The following ELP5 variants were observed in gnomAD, a reference collection of about 807,000 sequenced individuals.
The protein encoded by ELP5 is elongator complex protein 5.
In ELP5, 34 loss-of-function variants were observed where a neutral mutation model predicts 33.4. The ratio of observed to expected loss-of-function variants is 1.02; its 90% CI spans 0.78 to 1.36. The LOEUF is 1.36. Ranked by LOEUF, ELP5 falls within the 40% of genes most tolerant of loss-of-function variation. The pLI is 0.00. For synonymous variants in ELP5, 161 were observed against 146.4 expected, an observed-to-expected ratio of 1.10 and a Z score of -0.72; for missense variants, 373 against 371.7, an observed-to-expected ratio of 1.00 and a Z score of -0.03.
Position 7,256,988 on chromosome 17 carries a change from G to A in ELP5, c.541G>A (p.Ala181Thr), listed in dbSNP as rs761668861. The stretch of plus-strand genomic sequence containing the variant: ...GACCCTGGGCGGTACCATGGGCCAG[G>A]CCTCGGCCCACATCCTGTGTCGGAG... Reference protein sequence around the residue: ...EVTLGGTMGQASAHILCRRPR... With the variant: ...EVTLGGTMGQTSAHILCRRPR... The change falls in exon 5 of 8, where the codon GCC becomes ACC. Residue 181 changes from alanine to threonine, a missense_variant. Transcript: ENST00000396628. 7 of 1,610,966 alleles carry A rather than the reference G, an allele frequency of 4.3e-6. No homozygotes were observed. The East Asian group carries it at 6.7e-5, about 15-fold the overall frequency.
At chr17:7,258,509 G>A (rs1018610262) in intron 5 of ELP5, 79 bp from the exon 6 acceptor site, 4 of 1,378,752 alleles carry the variant, frequency 2.9e-6, no homozygotes, top group Non-Finnish European at 4.0e-6. Flanking sequence ...AGGTGATTGG[G>A]GGCTGAGGAT....
chr17:7,252,775 G>T lies in ELP5; in HGVS notation c.52G>T (p.Val18Leu). ...LGGLVLLRDS[V>L]EWEGRSLLKA... ...ATCCGTCCCTCGCTCTGCAGATTCCGTGGAGTGGGAGGGGCGCAGTCTCTT... is the reference window on the plus strand; with the variant it reads ...ATCCGTCCCTCGCTCTGCAGATTCCTTGGAGTGGGAGGGGCGCAGTCTCTT... The change falls in exon 2 of 8, where the codon GTG becomes TTG. Residue 18 changes from valine to leucine, a missense_variant. Physicochemically the swap from Val to Leu is conservative, Grantham distance 32. Transcript: ENST00000396628. 6.2e-7 allele frequency: 1 copy of T among 1,614,236 alleles called. No homozygotes were observed. The highest frequency in any genetic ancestry group is 1.7e-5 in the Admixed American group (1 of 60,034).
chr17:7,253,315 G>C (rs1039806286), intron 3 of ELP5, among the ~76,000 whole-genome samples: 3 of 152,190 alleles, frequency 2.0e-5, no homozygotes, highest in African/African-American at 7.2e-5. Context: ...CTATCAACCA[G>C]GTGCTGTGCA....
At chr17:7,258,481 G>T in intron 5 of ELP5, 107 bp from the exon 6 acceptor site, 11 of 1,039,084 alleles carry the variant, frequency 1.1e-5, no homozygotes, top group Non-Finnish European at 1.4e-5. Context: ...GGCAGGAGCT[G>T]AAAGCAGTCA....
chr17:7,254,988 T>C lies in ELP5; in HGVS notation c.409+185T>C. 1.9e-5 allele frequency: 11 copies of C among 583,312 alleles called. No homozygotes were observed. The South Asian group carries it at 2.0e-4, about 10-fold the overall frequency. 36.1% of individuals were successfully genotyped at this position (583,312 alleles called of 1,614,324 possible). The stretch of plus-strand genomic sequence containing the variant: ...TTAATGCCATCTACCATTTGCTTTT[T>C]TTTCTCCAAGTTATTTTTTTACTCA... On this transcript the variant is annotated intron_variant, in intron 4 of 7. Coordinates refer to ENST00000396628, the MANE Select transcript of ELP5 (RefSeq NM_203414.3).
rs1888913919 is a variant in ELP5, at chr17:7,254,650, G to T, written c.256G>T (p.Gly86Trp). Residue 86 changes from glycine to tryptophan, a missense_variant, in exon 4 of 8, where the codon GGG becomes TGG. By Grantham distance (184) the Gly-to-Trp change is radical. Coordinates refer to ENST00000396628, the MANE Select transcript of ELP5 (RefSeq NM_203414.3). The stretch of plus-strand genomic sequence containing the variant: ...AAAAACTGAGGAGGCCTTTCCTGGG[G>T]GGCCGCTGGGAGCCTTGAGAGCCAT... ...WSKTEEAFPG[G>W]PLGALRAMCK... is the part of the protein sequence containing the mutation. 6.2e-7 allele frequency: 1 copy of T among 1,614,024 alleles called. No homozygotes were observed. The highest frequency in any genetic ancestry group is 8.5e-7 in the Non-Finnish European group (1 of 1,180,006).
intron 7 of ELP5, chr17:7,259,334 C>G: frequency 7.1e-7 from 1 of 1,400,206 alleles, no homozygotes; most frequent in Non-Finnish European, 9.3e-7. Context: ...CTACAAGATC[C>G]TTGCCCTCAA....
At chr17:7,259,359 AC>A (rs2072158585) in intron 7 of ELP5, 4 of 1,384,556 alleles carry the variant, frequency 2.9e-6, no homozygotes, top group South Asian at 3.3e-5. Context: ...CTAGGAACTT[AC>A]GGTTTTATTA....
Position 7,254,805 on chromosome 17 carries a change from T to C in ELP5, c.409+2T>C. 2 of 1,613,270 alleles carry C rather than the reference T, an allele frequency of 1.2e-6. No homozygotes were observed. Among genetic ancestry groups the C allele is most frequent in the Non-Finnish European group, 1.7e-6 (2 of 1,179,148 alleles). On this transcript the variant is annotated splice_donor_variant, in intron 4 of 7. Transcript: ENST00000396628. LOFTEE classifies it high-confidence loss of function. Reference sequence around the variant, plus strand: ...TGAGCCATCAGGACTCTTGTCCTGGTGAGACCCCTCCTTCATTGTTTCCCC... The same window carrying C: ...TGAGCCATCAGGACTCTTGTCCTGGCGAGACCCCTCCTTCATTGTTTCCCC...
chr17:7,255,463 G>T (rs1447451365), intron 4 of ELP5, among the ~76,000 whole-genome samples: 1 of 151,896 alleles, frequency 6.6e-6, no homozygotes, highest in Non-Finnish European at 1.5e-5. Flanking sequence ...GGGAGGTGGA[G>T]CTTGCAGTGA....
Position 7,252,246 on chromosome 17 carries a change from G to A in ELP5, c.-305G>A. On this transcript the variant is annotated 5_prime_UTR_variant, in exon 1 of 8. Coordinates refer to ENST00000396628, the MANE Select transcript of ELP5 (RefSeq NM_203414.3). ...CCCGCGCTTAGGGCCCTCGCGGGGG[G>A]CTTGTGGGTCCTCCTCCCCCTCCCA... 2 of 484,984 alleles carry A rather than the reference G, an allele frequency of 4.1e-6. No homozygotes were observed. Among genetic ancestry groups the A allele is most frequent in the Non-Finnish European group, 3.8e-6 (1 of 265,300 alleles). The allele number at this position is 484,984 out of a possible 1,614,324, so 30.0% of individuals were successfully genotyped here.
At position 7,252,216 on chromosome 17, in the gene ELP5, C is replaced by A. The variant is rs1308302291; in HGVS notation, c.-335C>A. The A allele has an allele frequency of 2.3e-6, 1 of 431,258 alleles. No individual in the cohort carries two copies. Among genetic ancestry groups the A allele is most frequent in the East Asian group, 5.1e-5 (1 of 19,694 alleles). 26.7% of individuals were successfully genotyped at this position (431,258 alleles called of 1,614,324 possible). A position where few individuals can be genotyped will look rare whatever the true frequency, so the allele number is the denominator to read the frequency against. ...TGCGTGGGCGGGGAGAGTGACGTCA[C>A]TTGGCCCGCGCTTAGGGCCCTCGCG... On this transcript the variant is annotated 5_prime_UTR_variant, in exon 1 of 8. Coordinates refer to ENST00000396628, the MANE Select transcript of ELP5 (RefSeq NM_203414.3).
rs1300636889 is a variant in ELP5, at chr17:7,252,968, G to C, written c.158G>C (p.Arg53Pro). 3.1e-6 allele frequency: 5 copies of C among 1,614,212 alleles called. No individual in the cohort carries two copies. In the East Asian group the frequency reaches 8.9e-5, roughly 29 times the overall value. ...TGTGAAGTGAGCGAGGAAGAGTTTC[G>C]TGAAGGTTTTGACTCTGATATCAAC... Reference protein sequence around the residue: ...LGCEVSEEEFREGFDSDINNR... With the variant: ...LGCEVSEEEFPEGFDSDINNR... The change falls in exon 3 of 8, where the codon CGT becomes CCT. Residue 53 changes from arginine (R) to proline (P), a missense_variant. Arg to Pro is a moderately radical substitution (Grantham distance 103). Coordinates refer to ENST00000396628, the MANE Select transcript of ELP5 (RefSeq NM_203414.3).
At chr17:7,255,071 G>A (rs1465412386) in intron 4 of ELP5, among the ~76,000 whole-genome samples, 3 of 151,358 alleles carry the variant, frequency 2.0e-5, no homozygotes, top group African/African-American at 4.9e-5. Context: ...CAATGTGTCA[G>A]GTACAATTCT....
In ELP5 at chr17:7,257,002, C is replaced by T. The variant is rs1250653519; in HGVS notation, c.555C>T (p.Ile185=). 1 of 1,606,568 alleles carries T rather than the reference C, an allele frequency of 6.2e-7. No individual in the cohort carries two copies. The highest frequency in any genetic ancestry group is 2.2e-5 in the East Asian group (1 of 44,754). The change falls in exon 5 of 8, where the codon ATC becomes ATT. Residue 185 remains isoleucine, a synonymous_variant. Coordinates refer to ENST00000396628, the MANE Select transcript of ELP5 (RefSeq NM_203414.3). ...CCATGGGCCAGGCCTCGGCCCACAT[C>T]CTGTGTCGGAGGCCCCGACAGCGCC... ...GGTMGQASAH[I]LCRRPRQRPT...
Position 7,257,049 on chromosome 17 carries a change from C to T in ELP5, c.591+11C>T. On this transcript the variant is annotated intron_variant, in intron 5 of 7. Transcript: ENST00000396628. ...CGCCCAACTGACCAGGTCAGAAGAA[C>T]CAACAGAGAAGGACTGGAAACGGGG... The T allele has an allele frequency of 1.3e-6, 2 of 1,544,686 alleles. No homozygotes were observed. The highest frequency in any genetic ancestry group is 1.7e-6 in the Non-Finnish European group (2 of 1,149,544).
At position 7,256,910 on chromosome 17, in the gene ELP5, C is replaced by T. The variant is rs767738369; in HGVS notation, c.463C>T (p.Leu155Phe). 7 of 1,614,166 alleles carry T rather than the reference C, an allele frequency of 4.3e-6. No homozygotes were observed. The highest frequency in any genetic ancestry group is 1.1e-5 in the South Asian group (1 of 91,088). ...VSVLGLLHEE[L>F]HGPGPVGALS... ...TGTGCTGGGCTTGCTACATGAAGAG[C>T]TTCATGGACCAGGCCCTGTGGGAGC... is the stretch of plus-strand genomic sequence containing the variant. Residue 155 changes from leucine to phenylalanine, a missense_variant, in exon 5 of 8, where the codon CTT becomes TTT. Physicochemically the swap from Leu to Phe is conservative, Grantham distance 22. Coordinates refer to ENST00000396628, the MANE Select transcript of ELP5 (RefSeq NM_203414.3).
chr17:7,256,829 C>G, intron 4 of ELP5, 28 bp from the exon 5 acceptor site: 5 of 1,612,548 alleles, frequency 3.1e-6, no homozygotes, highest in Non-Finnish European at 3.4e-6. Flanking sequence ...ATGCTCCCTA[C>G]TATCCTACAT....
At position 7,258,884 on chromosome 17, in the gene ELP5, C is replaced by T. The variant is rs1337530065; in HGVS notation, c.746C>T (p.Ala249Val). 6.2e-7 allele frequency: 1 copy of T among 1,614,020 alleles called. No individual in the cohort carries two copies. Among genetic ancestry groups the T allele is most frequent in the African/African-American group, 1.3e-5 (1 of 74,902 alleles). Reference protein sequence around the residue: ...NLHLSKKEREARDSLILPFQF... With the variant: ...NLHLSKKEREVRDSLILPFQF... ...CACCTGTCCAAGAAAGAGAGAGAAG[C>T]CAGAGATAGCCTGATCCTGCCCTTC... The change falls in exon 7 of 8, where the codon GCC becomes GTC. Residue 249 changes from alanine to valine, a missense_variant. Transcript: ENST00000396628.
Sources: gnomAD v4.1 joint callset for allele counts (sites outside exome capture counted in the v4.1 genomes callset) on GRCh38, gnomAD v4.1.1 for gene constraint, MANE v1.5 for transcripts, NCBI Gene and HGNC (gene_info 2026-07-23, HGNC 2026-07-21) for gene names.